ZBTB25: variants seen among roughly 807,000 people sequenced by gnomAD.
ZBTB25 encodes zinc finger and BTB domain-containing protein 25.
Under a neutral mutation model 34.2 loss-of-function variants are expected in ZBTB25, and 20 were observed. The observed-to-expected ratio is 0.58, with a 90% confidence interval of 0.41 to 0.85. ZBTB25 has a LOEUF of 0.85. Ranked by LOEUF, ZBTB25 falls within the 40% of genes least tolerant of loss-of-function variation. The pLI is 0.00. For synonymous variants in ZBTB25, 175 were observed against 186.4 expected, an observed-to-expected ratio of 0.94 and a Z score of 0.50; for missense variants, 437 against 521.8, an observed-to-expected ratio of 0.84 and a Z score of 1.58.
rs998387470 is a variant in ZBTB25, at chr14:64,483,233, C to A, written c.*3690G>T. 1 of 152,106 alleles carries A rather than the reference C, an allele frequency of 6.6e-6. No homozygotes were observed. The highest frequency in any genetic ancestry group is 6.6e-5 in the Admixed American group (1 of 15,258). The allele number at this position is 152,106 out of a possible 1,614,324, so 9.4% of individuals were successfully genotyped here. On this transcript the variant is annotated 3_prime_UTR_variant, in exon 3 of 3. Coordinates refer to ENST00000608382, the MANE Select transcript of ZBTB25 (RefSeq NM_006977.5). ...ATTAGGATACTGGCTAACAGTATAG[C>A]TCCATTTTGTGGAGATGTAGTCAAA...
In ZBTB25 at chr14:64,480,408, G is replaced by A. The variant is rs1596602344; in HGVS notation, c.*6515C>T. On this transcript the variant is annotated 3_prime_UTR_variant, in exon 3 of 3. Transcript: ENST00000608382. ...AATACTACCTTTCTTTCCAGAGACA[G>A]CAGTTGGAAAGCATTTGATTAGGAC... is the stretch of plus-strand genomic sequence containing the variant. 2.6e-6 allele frequency: 1 copy of A among 380,650 alleles called. No individual in the cohort carries two copies. Among genetic ancestry groups the A allele is most frequent in the Non-Finnish European group, 5.0e-6 (1 of 198,242 alleles). 23.6% of individuals were successfully genotyped at this position (380,650 alleles called of 1,614,324 possible).
At chr14:64,452,868 A>G (rs1161150052) in intron 2 of ZBTB25, among the ~76,000 whole-genome samples, 1 of 151,848 alleles carries the variant, frequency 6.6e-6, no homozygotes, top group African/African-American at 2.4e-5. Flanking sequence ...TCTACTTTTT[A>G]ATTTTTATTA....
intron 1 of ZBTB25, chr14:64,503,421 G>C (rs1367039110): frequency 1.0e-6 from 1 of 985,458 alleles, no homozygotes. Context: ...ATCAGGCCCC[G>C]GCAGCCGCTC....
At chr14:64,463,887 A>C (rs1278732320) in intron 2 of ZBTB25, among the ~76,000 whole-genome samples, 1 of 152,202 alleles carries the variant, frequency 6.6e-6, no homozygotes, top group Non-Finnish European at 1.5e-5. Flanking sequence ...CTTGGATCTC[A>C]ATAAGGAATA....
chr14:64,487,903 T>A lies in ZBTB25; in HGVS notation c.328A>T (p.Ile110Phe). 1 of 1,614,216 alleles carries A rather than the reference T, an allele frequency of 6.2e-7. No individual in the cohort carries two copies. The highest frequency in any genetic ancestry group is 8.5e-7 in the Non-Finnish European group (1 of 1,180,032). Residue 110 changes from isoleucine (I) to phenylalanine (F), a missense_variant, in exon 3 of 3, where the codon ATT becomes TTT. Transcript: ENST00000608382. The stretch of plus-strand genomic sequence containing the variant: ...AACACTTGATTCATTTCAGTTGCAA[T>A]GTGAGAAAGGTAGTCGGCGTGAAGA... ...RFLHADYLSH[I>F]ATEMNQVFSP...
intron 2 of ZBTB25, among the ~76,000 whole-genome samples, chr14:64,489,147 C>T (rs1003791848): frequency 6.6e-6 from 1 of 152,086 alleles, no homozygotes; most frequent in Non-Finnish European, 1.5e-5. Flanking sequence ...ACTAGGGAGA[C>T]TGAAGCAAGA....
intron 1 of ZBTB25, among the ~76,000 whole-genome samples, chr14:64,492,838 C>T (rs556349856): frequency 1.3e-5 from 2 of 152,016 alleles, no homozygotes; most frequent in East Asian, 1.9e-4. Context: ...TTGTACAAGG[C>T]GTGGAGACAG....
intron 1 of ZBTB25, among the ~76,000 whole-genome samples, chr14:64,501,935 T>TCCCTTCC (rs1039610073): frequency 1.3e-5 from 2 of 152,092 alleles, no homozygotes; most frequent in African/African-American, 4.8e-5. Context: ...ATTCTCTCAT[T>TCCCTTCC]CCCTTCCCGG....
At chr14:64,469,805 A>G (rs555933423) in intron 2 of ZBTB25, 1 of 688,220 alleles carries the variant, frequency 1.5e-6, no homozygotes, top group East Asian at 2.9e-5. Flanking sequence ...GTACAATTCC[A>G]GCGCAGAAGT....
chr14:64,472,962 A>T (rs2078690190), intron 2 of ZBTB25: 1 of 167,046 alleles, frequency 6.0e-6, no homozygotes, highest in East Asian at 1.9e-4. Flanking sequence ...TTATTTATTT[A>T]TTAGCCAAAA....
chr14:64,498,916 G>A (rs1787765771), intron 1 of ZBTB25, among the ~76,000 whole-genome samples: 1 of 152,104 alleles, frequency 6.6e-6, no homozygotes, highest in Non-Finnish European at 1.5e-5. Flanking sequence ...TTACAGGCGT[G>A]AGCCACCGCG....
chr14:64,505,016 C>T, upstream of ZBTB25: 1 of 387,588 alleles, frequency 2.6e-6, no homozygotes, highest in Non-Finnish European at 4.6e-6. Context: ...GGGCCGCGGG[C>T]CTGGCGGAGT....
chr14:64,486,839 G>A lies in ZBTB25; in HGVS notation c.*84C>T. ...TGAAGAAAAAAAGTCAATGAAACTTGAGGAGGAAAATAATTTATGAATTAA... is the reference window on the plus strand; with the variant it reads ...TGAAGAAAAAAAGTCAATGAAACTTAAGGAGGAAAATAATTTATGAATTAA... On this transcript the variant is annotated 3_prime_UTR_variant, in exon 3 of 3. Coordinates refer to ENST00000608382, the MANE Select transcript of ZBTB25 (RefSeq NM_006977.5). 5 of 1,474,070 alleles carry A rather than the reference G, an allele frequency of 3.4e-6. No individual in the cohort carries two copies. In the South Asian group the frequency reaches 7.3e-5, roughly 21 times the overall value. 91.3% of individuals were successfully genotyped at this position (1,474,070 alleles called of 1,614,324 possible). A position where few individuals can be genotyped will look rare whatever the true frequency, so the allele number is the denominator to read the frequency against.
Position 64,482,722 on chromosome 14 carries a change from T to G in ZBTB25, c.*4201A>C, listed in dbSNP as rs575326949. On this transcript the variant is annotated 3_prime_UTR_variant, in exon 3 of 3. Coordinates refer to ENST00000608382, the MANE Select transcript of ZBTB25 (RefSeq NM_006977.5). Reference sequence around the variant, plus strand: ...AGTTCTGTCAATTAGTTATTGAATATTAGATAGTACATTACTGCTTTTAAG... The same window carrying G: ...AGTTCTGTCAATTAGTTATTGAATAGTAGATAGTACATTACTGCTTTTAAG... 39 of 152,366 alleles carry G rather than the reference T, an allele frequency of 2.6e-4. No individual in the cohort carries two copies. The South Asian group carries it at 8.1e-3, about 32-fold the overall frequency. The allele number at this position is 152,366 out of a possible 1,614,324, so 9.4% of individuals were successfully genotyped here. A position where few individuals can be genotyped will look rare whatever the true frequency, so the allele number is the denominator to read the frequency against.
At chr14:64,470,576 C>G (rs1296856894) in intron 2 of ZBTB25, 2 of 143,126 alleles carry the variant, frequency 1.4e-5, no homozygotes, top group East Asian at 2.2e-4. Context: ...GGCAACAGAG[C>G]GAGACTCCTT....
At position 64,480,171 on chromosome 14, in the gene ZBTB25, A is replaced by C; in HGVS notation, c.*6752T>G. ...ACTCCGTCTCTACTAGAAATACAAA[A>C]AATTAGCCGAGTGTAGTGGTGGGAA... On this transcript the variant is annotated 3_prime_UTR_variant, in exon 3 of 3. Transcript: ENST00000608382. 4.8e-6 allele frequency: 1 copy of C among 206,358 alleles called. No individual in the cohort carries two copies. The highest frequency in any genetic ancestry group is 1.0e-5 in the Non-Finnish European group (1 of 98,476). 12.8% of individuals were successfully genotyped at this position (206,358 alleles called of 1,614,324 possible).
chr14:64,452,125 G>A (rs564594331), intron 2 of ZBTB25, among the ~76,000 whole-genome samples: 59 of 152,200 alleles, frequency 3.9e-4, no homozygotes, highest in Non-Finnish European at 6.3e-4. Context: ...GTGAAACTCC[G>A]TCTCTACTAA....
intron 2 of ZBTB25, among the ~76,000 whole-genome samples, chr14:64,452,227 G>A (rs1343634130): frequency 1.3e-5 from 2 of 152,284 alleles, no homozygotes; most frequent in East Asian, 1.9e-4. Context: ...CCCGGGAGGC[G>A]GAGGTTGCAG....
Position 64,485,763 on chromosome 14 carries a change from T to C in ZBTB25, c.*1160A>G. The C allele has an allele frequency of 3.0e-6, 3 of 985,350 alleles. No homozygotes were observed. The highest frequency in any genetic ancestry group is 3.6e-6 in the Non-Finnish European group (3 of 829,914). 61.0% of individuals were successfully genotyped at this position (985,350 alleles called of 1,614,324 possible). On this transcript the variant is annotated 3_prime_UTR_variant, in exon 3 of 3. Transcript: ENST00000608382. Reference sequence around the variant, plus strand: ...GCCCCAAAAATCCTGACGCTGAGGGTAGAAACATGATTTATATTTTATCAT... The same window carrying C: ...GCCCCAAAAATCCTGACGCTGAGGGCAGAAACATGATTTATATTTTATCAT...
Sources: allele counts gnomAD v4.1 joint callset (sites outside exome capture counted in the v4.1 genomes callset), GRCh38; gene constraint gnomAD v4.1.1; transcripts MANE v1.5; gene names NCBI Gene and HGNC (gene_info 2026-07-23, HGNC 2026-07-21).